ZBTB38: variants seen among roughly 807,000 people sequenced by gnomAD.
The protein encoded by ZBTB38 is zinc finger and BTB domain-containing protein 38.
ZBTB38 carries 20 observed loss-of-function variants against 76.8 expected under a neutral mutation model. The ratio of observed to expected loss-of-function variants is 0.26; its 90% CI spans 0.18 to 0.38. The LOEUF is 0.38. Ranked by LOEUF, ZBTB38 falls within the 10% of genes least tolerant of loss-of-function variation. The pLI, the probability that ZBTB38 is intolerant of heterozygous loss-of-function variation, is 1.00. For missense variants in ZBTB38, 1,082 were observed against 1,482.3 expected (o/e 0.73, Z 4.43); for synonymous variants, 504 against 544.2 (o/e 0.93, Z 1.03).
intron 2 of ZBTB38, among the ~76,000 whole-genome samples, chr3:141,371,820 T>C (rs992253231): frequency 2.0e-5 from 3 of 152,214 alleles, no homozygotes; most frequent in South Asian, 2.1e-4. Context: ...GTTTAACATT[T>C]TATGTAACCT....
chr3:141,378,971 C>T (rs1945810564), intron 2 of ZBTB38, among the ~76,000 whole-genome samples: 1 of 152,206 alleles, frequency 6.6e-6, no homozygotes, highest in Admixed American at 6.5e-5. Context: ...AGATTACACT[C>T]TTCACCTTCA....
rs775415331 is a variant in ZBTB38, at chr3:141,413,764, C to T, written c.-1+9733C>T. ...TGAAATGCTTATTAGGAGTTAAGTA[C>T]CCCTTTTTCTTGAAGCTTGAACAGA... On this transcript the variant is annotated intron_variant, in intron 5 of 5. Coordinates refer to ENST00000321464, the MANE Select transcript of ZBTB38 (RefSeq NM_001376113.1). The surrounding 1 kb of genome is among the most constrained non-coding windows in gnomAD (Gnocchi z 4.1). Among the ~76,000 whole-genome samples the T allele has an allele frequency of 6.6e-6, 1 of 152,134 alleles. No homozygotes were observed. Among genetic ancestry groups the T allele is most frequent in the Non-Finnish European group, 1.5e-5 (1 of 68,008 alleles).
intron 1 of ZBTB38, among the ~76,000 whole-genome samples, chr3:141,335,768 T>C (rs963678611): frequency 6.6e-6 from 1 of 152,256 alleles, no homozygotes; most frequent in African/African-American, 2.4e-5. Flanking sequence ...GCATGCTGTT[T>C]CATCACAATA....
At chr3:141,385,872 T>A (rs1242303413) in intron 3 of ZBTB38, 1 of 152,090 alleles carries the variant, frequency 6.6e-6, no homozygotes, top group African/African-American at 2.4e-5. Context: ...GAAGATGACA[T>A]GAAATTTGGT....
chr3:141,408,337 A>G (rs987093453), intron 5 of ZBTB38, among the ~76,000 whole-genome samples: 31 of 152,244 alleles, frequency 2.0e-4, no homozygotes, highest in African/African-American at 7.5e-4. Flanking sequence ...ACCTGAGGTC[A>G]GGAGTTCGGG....
intron 5 of ZBTB38, chr3:141,432,127 T>C: frequency 1.0e-6 from 1 of 985,480 alleles, no homozygotes; most frequent in South Asian, 4.7e-5. Context: ...AAGCAAAATA[T>C]CCTTTGTCGG....
At chr3:141,402,651 C>T (rs147365702) in intron 4 of ZBTB38, among the ~76,000 whole-genome samples, 11,299 of 151,478 alleles carry the variant, frequency 0.075, 1,464 homozygotes, top group African/African-American at 0.26. Flanking sequence ...AGGAAGCGCC[C>T]GCAGGTGCCC....
At chr3:141,421,134 G>A (rs2075265415) in intron 5 of ZBTB38, among the ~76,000 whole-genome samples, 1 of 152,030 alleles carries the variant, frequency 6.6e-6, no homozygotes, top group South Asian at 2.1e-4. Flanking sequence ...TCCATGATAT[G>A]TATAGTAGTC....
chr3:141,340,758 G>A (rs778608835), intron 1 of ZBTB38, among the ~76,000 whole-genome samples: 16 of 151,690 alleles, frequency 1.1e-4, no homozygotes, highest in Non-Finnish European at 2.1e-4. Context: ...TTAGCCGGGT[G>A]TGGTGGCGGG....
intron 5 of ZBTB38, among the ~76,000 whole-genome samples, chr3:141,421,099 C>T (rs2075258816): frequency 6.6e-6 from 1 of 151,674 alleles, no homozygotes; most frequent in Non-Finnish European, 1.5e-5. Context: ...GCTGAGTGCT[C>T]ATATACTCTC....
chr3:141,377,262 C>T (rs770808411), intron 2 of ZBTB38, among the ~76,000 whole-genome samples: 8 of 152,234 alleles, frequency 5.3e-5, no homozygotes, highest in African/African-American at 7.2e-5. Flanking sequence ...CATTTTCCAT[C>T]GCCTAAGTGC....
At chr3:141,402,512 G>T (rs921929034) in intron 4 of ZBTB38, 3 of 147,120 alleles carry the variant, frequency 2.0e-5, no homozygotes, top group African/African-American at 7.7e-5. Flanking sequence ...CGCGGCCTGC[G>T]GGCGCGGCGC....
rs543525624 is a variant in ZBTB38, at chr3:141,435,869, ATTACT to A, written c.1-6516_1-6512del. Among the ~76,000 whole-genome samples the A allele has an allele frequency of 4.5e-3, 681 of 152,342 alleles. 3 individuals are homozygous for A. Among genetic ancestry groups the A allele is most frequent in the Non-Finnish European group, 7.8e-3 (528 of 68,024 alleles). On this transcript the variant is annotated intron_variant, in intron 5 of 5. Transcript: ENST00000321464. ...CCGATGGCCAGTTATCCAATTACAA[ATTACT>A]TTATGTTTTTAAAAATATTGACTCA...
At chr3:141,335,758 G>A (rs1030435322) in intron 1 of ZBTB38, among the ~76,000 whole-genome samples, 7 of 152,182 alleles carry the variant, frequency 4.6e-5, no homozygotes, top group African/African-American at 9.7e-5. Flanking sequence ...AATCACATCC[G>A]CATGCTGTTT....
intron 1 of ZBTB38, among the ~76,000 whole-genome samples, chr3:141,340,771 C>G (rs370349749): frequency 6.6e-6 from 1 of 151,740 alleles, no homozygotes; most frequent in African/African-American, 2.4e-5. Flanking sequence ...GTGGCGGGCA[C>G]CTGTGGTCCC....
intron 3 of ZBTB38, chr3:141,385,909 G>A (rs1399109111): frequency 1.3e-5 from 2 of 151,938 alleles, no homozygotes; most frequent in African/African-American, 2.4e-5. Context: ...TTTAATTTTC[G>A]GAAAACATTT....
chr3:141,421,658 A>G (rs1011823903), intron 5 of ZBTB38, among the ~76,000 whole-genome samples: 6 of 152,212 alleles, frequency 3.9e-5, no homozygotes, highest in Non-Finnish European at 7.3e-5. Context: ...TTCTCTAACA[A>G]GGAGATTCAC....
At chr3:141,424,735 G>A (rs2076079017) in intron 5 of ZBTB38, among the ~76,000 whole-genome samples, 1 of 152,030 alleles carries the variant, frequency 6.6e-6, no homozygotes, top group African/African-American at 2.4e-5. Flanking sequence ...GCCCCTATGG[G>A]GTATCAAGCA....
intron 3 of ZBTB38, among the ~76,000 whole-genome samples, chr3:141,386,264 G>A (rs760550962): frequency 6.6e-6 from 1 of 152,222 alleles, no homozygotes; most frequent in Admixed American, 6.5e-5. Flanking sequence ...TATACAGCCA[G>A]AGGAATTCAG....
Sources: gnomAD v4.1 joint callset for allele counts (sites outside exome capture counted in the v4.1 genomes callset) on GRCh38, gnomAD v4.1.1 for gene constraint, Gnocchi (gnomAD v3.1) non-coding constraint, MANE v1.5 for transcripts, NCBI Gene and HGNC (gene_info 2026-07-23, HGNC 2026-07-21) for gene names.